Variants in ACTN2 observed in about 807,000 individuals in gnomAD.
ACTN2 encodes the protein alpha-actinin-2.
A neutral mutation model predicts 113.8 loss-of-function variants in ACTN2; 39 were observed. That is an observed-to-expected ratio of 0.34 (90% CI 0.27 to 0.45). The LOEUF (loss-of-function observed/expected upper bound fraction) is 0.45. ACTN2 is among the 20% of genes least tolerant of loss of function. ACTN2 has a pLI of 1.00. For missense variants in ACTN2, 992 were observed against 1,177.9 expected (o/e 0.84, Z 2.31); for synonymous variants, 429 against 444.1 (o/e 0.97, Z 0.43).
intron 1 of ACTN2, among the ~76,000 whole-genome samples, chr1:236,702,455 AAAG>A: frequency 6.6e-6 from 1 of 152,368 alleles, no homozygotes; most frequent in East Asian, 1.9e-4. Context: ...AAATATTAAA[AAAG>A]TCACAACCTG....
chr1:236,689,999 G>A (rs1217066732), intron 1 of ACTN2, among the ~76,000 whole-genome samples: 1 of 152,130 alleles, frequency 6.6e-6, no homozygotes, highest in Non-Finnish European at 1.5e-5. Flanking sequence ...ATACGTAAAG[G>A]GTCCTTATGT....
chr1:236,709,814 G>A (rs1225348273), intron 1 of ACTN2, among the ~76,000 whole-genome samples: 1 of 152,108 alleles, frequency 6.6e-6, no homozygotes, highest in Non-Finnish European at 1.5e-5. Context: ...GCAGACTCTG[G>A]TTCATTTCAC....
intron 1 of ACTN2, among the ~76,000 whole-genome samples, chr1:236,707,841 A>G (rs1055321262): frequency 6.7e-6 from 1 of 149,736 alleles, no homozygotes; most frequent in Admixed American, 6.7e-5. Flanking sequence ...CCTCCCAAGT[A>G]GCTGGGACTA....
At chr1:236,750,866 A>G (rs911627333) in intron 14 of ACTN2, among the ~76,000 whole-genome samples, 1 of 152,036 alleles carries the variant, frequency 6.6e-6, no homozygotes, top group Non-Finnish European at 1.5e-5. Flanking sequence ...GGCGGGGAGG[A>G]TCACTTGAGG....
chr1:236,696,666 ATT>A (rs34828949), intron 1 of ACTN2, among the ~76,000 whole-genome samples: 142 of 129,898 alleles, frequency 1.1e-3, no homozygotes, highest in East Asian at 3.4e-3. Flanking sequence ...TTGTCCCACT[ATT>A]TTTTTTTTTT....
intron 12 of ACTN2, among the ~76,000 whole-genome samples, chr1:236,746,447 C>T (rs1260884213): frequency 6.6e-6 from 1 of 152,072 alleles, no homozygotes; most frequent in Admixed American, 6.6e-5. Flanking sequence ...GTGGCTTATA[C>T]CTGTAATCCT....
intron 9 of ACTN2, among the ~76,000 whole-genome samples, chr1:236,737,921 A>G (rs1304285658): frequency 6.6e-6 from 1 of 152,232 alleles, no homozygotes; most frequent in African/African-American, 2.4e-5. Context: ...TGAGGCCCCC[A>G]GCCACCTCCT....
At chr1:236,749,913 G>C (rs12143369) in intron 14 of ACTN2, among the ~76,000 whole-genome samples, 71,115 of 152,152 alleles carry the variant, frequency 0.47, 18,539 homozygotes, top group Non-Finnish European at 0.6. Flanking sequence ...AAGTGTACTA[G>C]CTGCTGAGTT....
At chr1:236,751,323 G>T in intron 14 of ACTN2, 147 bp from the exon 15 acceptor site, 1 of 1,005,738 alleles carries the variant, frequency 9.9e-7, no homozygotes, top group African/African-American at 1.6e-5. Context: ...TACCTAAAGA[G>T]TTTTTTCTAA....
intron 2 of ACTN2, among the ~76,000 whole-genome samples, chr1:236,718,634 TG>T (rs1293176460): frequency 6.6e-6 from 1 of 152,186 alleles, no homozygotes; most frequent in Non-Finnish European, 1.5e-5. Flanking sequence ...AGTTGGATCA[TG>T]GGCCAAACCA....
chr1:236,689,358 T>TTATA (rs150964294), intron 1 of ACTN2, among the ~76,000 whole-genome samples: 7,323 of 145,308 alleles, frequency 0.05, 272 homozygotes, highest in Admixed American at 0.11. Context: ...TATGTATATT[T>TTATA]TATATATATA....
intron 1 of ACTN2, among the ~76,000 whole-genome samples, chr1:236,693,275 A>G (rs1424712812): frequency 6.6e-6 from 1 of 152,172 alleles, no homozygotes; most frequent in Non-Finnish European, 1.5e-5. Context: ...GAGGAGCAAA[A>G]TATAAATGGA....
At chr1:236,711,968 T>A (rs893406368) in intron 1 of ACTN2, among the ~76,000 whole-genome samples, 2 of 152,182 alleles carry the variant, frequency 1.3e-5, no homozygotes, top group Non-Finnish European at 2.9e-5. Flanking sequence ...TAAAGCAACA[T>A]TTCCCTTAAG....
At position 236,736,621 on chromosome 1, in the gene ACTN2, T is replaced by C; in HGVS notation, c.784-501T>C. ...GGATCCCCCTCCAGAAAGTTCTACA[T>C]GTTCATATCAGGAGATGAGGAGGTC... On this transcript the variant is annotated intron_variant, in intron 8 of 20. Transcript: ENST00000366578. The C allele has an allele frequency of 6.5e-7, 1 of 1,535,674 alleles. No homozygotes were observed. Among genetic ancestry groups the C allele is most frequent in the Non-Finnish European group, 8.7e-7 (1 of 1,146,508 alleles).
chr1:236,710,070 T>C (rs1185778807), intron 1 of ACTN2, among the ~76,000 whole-genome samples: 3 of 152,162 alleles, frequency 2.0e-5, no homozygotes, highest in Non-Finnish European at 4.4e-5. Flanking sequence ...ATAAGTGAAA[T>C]GGACTGATAT....
chr1:236,749,553 T>C (rs1659335209), intron 14 of ACTN2, among the ~76,000 whole-genome samples: 1 of 152,016 alleles, frequency 6.6e-6, no homozygotes, highest in Admixed American at 6.6e-5. Context: ...TTCCAGCACT[T>C]GGGGAGGCTG....
intron 1 of ACTN2, among the ~76,000 whole-genome samples, chr1:236,691,599 C>G (rs560069527): frequency 6.6e-6 from 1 of 151,982 alleles, no homozygotes; most frequent in South Asian, 2.1e-4. Context: ...GAGCTGTGAT[C>G]GTGCCGCTGC....
At chr1:236,745,205 C>T (rs1450278723) in intron 12 of ACTN2, among the ~76,000 whole-genome samples, 6 of 151,944 alleles carry the variant, frequency 3.9e-5, no homozygotes, top group Non-Finnish European at 7.4e-5. Flanking sequence ...GAGGCTGAGG[C>T]GGGCGAATCA....
chr1:236,728,334 G>A (rs1045981787), intron 6 of ACTN2, among the ~76,000 whole-genome samples: 13 of 152,000 alleles, frequency 8.6e-5, no homozygotes, highest in Admixed American at 3.9e-4. Context: ...TAGTAGAGAC[G>A]GGGTTTCACC....
Sources: allele counts gnomAD v4.1 joint callset (sites outside exome capture counted in the v4.1 genomes callset), GRCh38; gene constraint gnomAD v4.1.1; transcripts MANE v1.5; gene names NCBI Gene and HGNC (gene_info 2026-07-23, HGNC 2026-07-21).